The following CDH3 variants were observed in gnomAD, a reference collection of about 807,000 sequenced individuals.
CDH3 encodes cadherin-3.
CDH3 carries 54 observed loss-of-function variants against 82.0 expected under a neutral mutation model. The observed-to-expected ratio is 0.66, with a 90% CI of 0.53 to 0.83. The LOEUF is 0.83. Among genes scored for constraint, CDH3 ranks in the 40% least tolerant of loss-of-function variants. CDH3 has a pLI of 0.00. For missense variants in CDH3, 1,054 were observed against 1,084.6 expected, an observed-to-expected ratio of 0.97 and a Z score of 0.40; for synonymous variants, 446 against 437.9, an observed-to-expected ratio of 1.02 and a Z score of -0.23.
At chr16:68,704,522 G>A (rs1409234094), downstream of CDH3, among the ~76,000 whole-genome samples, 1 of 152,206 alleles carries the variant, frequency 6.6e-6, no homozygotes, top group East Asian at 1.9e-4. Context: ...GCCCAGCAGA[G>A]GGCACCATTC....
At chr16:68,679,562 G>A (rs1961145100) in intron 6 of CDH3, among the ~76,000 whole-genome samples, 1 of 151,854 alleles carries the variant, frequency 6.6e-6, no homozygotes, top group Non-Finnish European at 1.5e-5. Context: ...GGGCGTGGTG[G>A]CGGGCACTTG....
intron 12 of CDH3, among the ~76,000 whole-genome samples, chr16:68,690,913 A>C (rs1254906585): frequency 6.6e-6 from 1 of 152,154 alleles, no homozygotes; most frequent in Non-Finnish European, 1.5e-5. Flanking sequence ...TCTCAAAAAA[A>C]TTGAATGCTC....
intron 2 of CDH3, among the ~76,000 whole-genome samples, chr16:68,723,356 C>G (rs1208692239): frequency 6.6e-6 from 1 of 150,492 alleles, no homozygotes; most frequent in Non-Finnish European, 1.5e-5. Flanking sequence ...AGTCTAAATA[C>G]TGAAAAGCAA....
At position 68,645,625 on chromosome 16, in the gene CDH3, C is replaced by T. The variant is rs1191322448; in HGVS notation, c.46-11C>T. Reference sequence around the variant, plus strand: ...GACCCAGCCTCCTTCACTCTCTGCCCTCGGGCGCAGGTTTGCTGGCTGCAG... The same window carrying T: ...GACCCAGCCTCCTTCACTCTCTGCCTTCGGGCGCAGGTTTGCTGGCTGCAG... On this transcript the variant is annotated splice_polypyrimidine_tract_variant and intron_variant, in intron 1 of 15. Transcript: ENST00000264012. The T allele has an allele frequency of 2.1e-5, 33 of 1,539,832 alleles. No homozygotes were observed. The East Asian group carries it at 5.4e-4, about 25-fold the overall frequency.
In CDH3 at chr16:68,687,753, T is replaced by A; in HGVS notation, c.1795+17T>A. 6.3e-7 allele frequency: 1 copy of A among 1,589,684 alleles called. No individual in the cohort carries two copies. Among genetic ancestry groups the A allele is most frequent in the South Asian group, 1.1e-5 (1 of 90,582 alleles). The stretch of plus-strand genomic sequence containing the variant: ...ACGAGGAAGGTACCTGAGTGAGTGG[T>A]GGTAGCGGGTGGGGTGCCAGCCCCA... On this transcript the variant is annotated intron_variant, in intron 12 of 15. Coordinates refer to ENST00000264012, the MANE Select transcript of CDH3 (RefSeq NM_001793.6).
At chr16:68,692,777 CGTCA>C (rs1222731425) in intron 13 of CDH3, among the ~76,000 whole-genome samples, 2 of 152,168 alleles carry the variant, frequency 1.3e-5, no homozygotes, top group South Asian at 2.1e-4. Flanking sequence ...CAACACACAT[CGTCA>C]GTCAGAGATC....
At chr16:68,694,335 AT>A (rs1961650657) in intron 13 of CDH3, among the ~76,000 whole-genome samples, 2 of 135,060 alleles carry the variant, frequency 1.5e-5, no homozygotes, top group South Asian at 2.4e-4. Flanking sequence ...AAAAAAAAAA[AT>A]TCCGGCCAGG....
rs140495765 is a variant in CDH3 at position 68,707,705 on chromosome 16, G to A, written c.99+11782G>A. 0.023 allele frequency among the ~76,000 whole-genome samples: 3,571 copies of A among 152,292 alleles called. 65 individuals carry two copies. Among genetic ancestry groups the A allele is most frequent in the Non-Finnish European group, 0.035 (2,403 of 68,010 alleles). Reference sequence around the variant, plus strand: ...CAGTGTTTAGCGCTGAGCCTGCAGTGCAGTTGGGGATCGCCAGGTGGTCAC... The same window carrying A: ...CAGTGTTTAGCGCTGAGCCTGCAGTACAGTTGGGGATCGCCAGGTGGTCAC... On this transcript the variant is annotated intron_variant, in intron 1 of 2. Coordinates refer to the CDH3 transcript ENST00000569080. This position sits in a 1 kb window ranked among gnomAD's most constrained non-coding sequence, Gnocchi z 4.5.
downstream of CDH3, among the ~76,000 whole-genome samples, chr16:68,731,395 A>AATATATATATAT (rs1555509188): frequency 1.9e-4 from 1 of 5,242 alleles, no homozygotes; most frequent in Non-Finnish European, 3.1e-4. Flanking sequence ...AAAAAAAAAA[A>AATATATATATAT]ATATATATAT....
Position 68,679,807 on chromosome 16 carries a change from G to T in CDH3, c.700G>T (p.Val234Leu). ...VLEGVLPGTS[V>L]MQVTATDEDD... Reference sequence around the variant, plus strand: ...TCATCCCTTCTCTCCAGGTACTTCTGTGATGCAGGTGACAGCCACGGATGA... The same window carrying T: ...TCATCCCTTCTCTCCAGGTACTTCTTTGATGCAGGTGACAGCCACGGATGA... The change falls in exon 7 of 16, where the codon GTG becomes TTG. Residue 234 changes from valine to leucine, a missense_variant. Val to Leu is a conservative substitution (Grantham distance 32). Transcript: ENST00000264012. The T allele has an allele frequency of 6.2e-7, 1 of 1,611,156 alleles. No homozygotes were observed. The highest frequency in any genetic ancestry group is 2.2e-5 in the East Asian group (1 of 44,788).
chr16:68,728,196 T>C (rs947335803), downstream of CDH3, among the ~76,000 whole-genome samples: 2 of 151,960 alleles, frequency 1.3e-5, no homozygotes, highest in Admixed American at 1.3e-4. Context: ...GACGGAGTCT[T>C]GCTCTGTCAC....
At chr16:68,676,364 C>G (rs1238152181) in intron 2 of CDH3, 21 bp from the exon 3 acceptor site, 1 of 1,584,192 alleles carries the variant, frequency 6.3e-7, no homozygotes, top group African/African-American at 1.3e-5. Flanking sequence ...TCCTAATGCT[C>G]TCTCTTCCCC....
At chr16:68,671,665 G>A (rs1960887404) in intron 2 of CDH3, among the ~76,000 whole-genome samples, 3 of 151,900 alleles carry the variant, frequency 2.0e-5, no homozygotes, top group South Asian at 4.2e-4. Flanking sequence ...GGGACTACAG[G>A]CGCAGGCCAC....
In CDH3 at chr16:68,695,926, G is replaced by A; in HGVS notation, c.2280+3G>A. 1 of 1,614,068 alleles carries A rather than the reference G, an allele frequency of 6.2e-7. No individual in the cohort carries two copies. Among genetic ancestry groups the A allele is most frequent in the East Asian group, 2.2e-5 (1 of 44,878 alleles). ...AAATCGGCAACTTTATAATTGAGGT[G>A]AGGCGTGGCAGGCCAGTCGAGGGCC... On this transcript the variant is annotated splice_donor_region_variant and intron_variant, in intron 15 of 15. Coordinates refer to ENST00000264012, the MANE Select transcript of CDH3 (RefSeq NM_001793.6).
chr16:68,661,143 G>T (rs561417468), intron 2 of CDH3, among the ~76,000 whole-genome samples: 1 of 152,078 alleles, frequency 6.6e-6, no homozygotes, highest in African/African-American at 2.4e-5. Context: ...TTAATTTGGG[G>T]GATTTGCATT....
At chr16:68,668,214 C>CTATT (rs559675160) in intron 2 of CDH3, among the ~76,000 whole-genome samples, 133 of 152,312 alleles carry the variant, frequency 8.7e-4, no homozygotes, top group Non-Finnish European at 1.6e-3. Context: ...AAATTCTGAA[C>CTATT]TATTGCCCCA....
intron 15 of CDH3, 128 bp from the exon 16 acceptor site, chr16:68,698,063 T>C: frequency 1.2e-6 from 1 of 842,428 alleles, no homozygotes; most frequent in East Asian, 2.6e-5. Context: ...GAATAACGCA[T>C]TCTTTCATTT....
intron 2 of CDH3, among the ~76,000 whole-genome samples, chr16:68,655,237 A>T (rs1960382334): frequency 6.6e-6 from 1 of 152,032 alleles, no homozygotes; most frequent in Non-Finnish European, 1.5e-5. Flanking sequence ...TATTTGGCCA[A>T]CATGTTCAAA....
At chr16:68,669,551 A>G (rs1263143981) in intron 2 of CDH3, among the ~76,000 whole-genome samples, 1 of 151,746 alleles carries the variant, frequency 6.6e-6, no homozygotes, top group South Asian at 2.1e-4. Flanking sequence ...AGTGAGTTGT[A>G]CACTCTAGTG....
Sources: allele counts gnomAD v4.1 joint callset (sites outside exome capture counted in the v4.1 genomes callset), GRCh38; gene constraint gnomAD v4.1.1; non-coding constraint Gnocchi (gnomAD v3.1); transcripts MANE v1.5; gene names NCBI Gene and HGNC (gene_info 2026-07-23, HGNC 2026-07-21).